EPHA6: variants seen among roughly 807,000 people sequenced by gnomAD.
EPHA6 encodes EPH receptor A6, also known as ephrin type-A receptor 6.
Under a neutral mutation model 112.0 loss-of-function variants are expected in EPHA6, and 50 were observed. The ratio of observed to expected loss-of-function variants is 0.45; its 90% confidence interval spans 0.36 to 0.56. The LOEUF (loss-of-function observed/expected upper bound fraction) is 0.56. EPHA6 is among the 20% of genes least tolerant of loss of function. The pLI, the probability that EPHA6 is intolerant of heterozygous loss-of-function variation, is 0.00. For missense variants in EPHA6, 1,280 were observed against 1,417.4 expected (o/e 0.90, Z 1.56); for synonymous variants, 529 against 490.7 (o/e 1.08, Z -1.03).
At chr3:96,988,722 C>T (rs2043110328) in intron 3 of EPHA6, among the ~76,000 whole-genome samples, 2 of 152,058 alleles carry the variant, frequency 1.3e-5, no homozygotes, top group Admixed American at 1.3e-4. Context: ...CCATATAACA[C>T]ATTAGCTTTT....
At chr3:97,502,570 C>T (rs1377428995) in intron 10 of EPHA6, among the ~76,000 whole-genome samples, 1 of 151,792 alleles carries the variant, frequency 6.6e-6, no homozygotes, top group Non-Finnish European at 1.5e-5. Flanking sequence ...TGTGGTGGCT[C>T]ACGCCTGTAA....
chr3:96,973,528 G>A (rs62263709), intron 2 of EPHA6, among the ~76,000 whole-genome samples: 7,920 of 151,956 alleles, frequency 0.052, 279 homozygotes, highest in Middle Eastern at 0.12. Flanking sequence ...GTACTATTAA[G>A]AATCTCTATA....
intron 3 of EPHA6, among the ~76,000 whole-genome samples, chr3:97,143,383 A>G (rs2075959021): frequency 1.3e-5 from 2 of 151,836 alleles, no homozygotes; most frequent in East Asian, 1.9e-4. Flanking sequence ...GTTAGAAACC[A>G]TGTGATAACT....
rs1298065217 is a variant in EPHA6 at position 97,751,480 on chromosome 3, T to C, written c.*2779T>C. Reference sequence around the variant, plus strand: ...GAACTTCATTATGGTTATGGCAACATTGAAACATGTGTGCAAGATTAAACA... The same window carrying C: ...GAACTTCATTATGGTTATGGCAACACTGAAACATGTGTGCAAGATTAAACA... On this transcript the variant is annotated 3_prime_UTR_variant, in exon 18 of 18. Coordinates refer to ENST00000389672, the MANE Select transcript of EPHA6 (RefSeq NM_001080448.3). Among the ~76,000 whole-genome samples, 4 of 152,088 alleles carry C rather than the reference T, an allele frequency of 2.6e-5. No individual in the cohort carries two copies. The highest frequency in any genetic ancestry group is 2.0e-4 in the Admixed American group (3 of 15,270).
chr3:96,868,655 CA>C (rs2036463623), intron 2 of EPHA6, among the ~76,000 whole-genome samples: 3 of 151,714 alleles, frequency 2.0e-5, no homozygotes, highest in Non-Finnish European at 4.4e-5. Flanking sequence ...ACAAATATGT[CA>C]TGGGTGGAAG....
intron 4 of EPHA6, among the ~76,000 whole-genome samples, chr3:97,231,932 C>G (rs529756293): frequency 1.3e-5 from 2 of 151,348 alleles, no homozygotes; most frequent in South Asian, 2.1e-4. Context: ...GGATGAAGTT[C>G]CCTTAAACAA....
chr3:97,491,701 C>T (rs921744023), intron 10 of EPHA6, among the ~76,000 whole-genome samples: 2 of 149,552 alleles, frequency 1.3e-5, no homozygotes, highest in Admixed American at 1.3e-4. Flanking sequence ...GTTTTTAGGT[C>T]TCATTGTCAT....
intron 3 of EPHA6, among the ~76,000 whole-genome samples, chr3:97,068,140 G>A (rs2046234388): frequency 7.9e-6 from 1 of 126,700 alleles, no homozygotes; most frequent in South Asian, 2.5e-4. Context: ...GAGTGACAGA[G>A]CAAGACTCCA....
chr3:97,324,579 C>T (rs2082329321), intron 5 of EPHA6, among the ~76,000 whole-genome samples: 1 of 143,070 alleles, frequency 7.0e-6, no homozygotes, highest in Non-Finnish European at 1.5e-5. Flanking sequence ...GCTCTTTTTG[C>T]TCAGGCTGGA....
intron 3 of EPHA6, among the ~76,000 whole-genome samples, chr3:97,019,204 G>A (rs1417965375): frequency 6.6e-6 from 1 of 152,002 alleles, no homozygotes; most frequent in Non-Finnish European, 1.5e-5. Context: ...CGTGTCCTCG[G>A]TCCCTTGCCT....
chr3:96,929,433 G>A (rs2040203725), intron 2 of EPHA6, among the ~76,000 whole-genome samples: 1 of 152,184 alleles, frequency 6.6e-6, no homozygotes, highest in Non-Finnish European at 1.5e-5. Flanking sequence ...GTCACATGAT[G>A]ACGAATTCCC....
At chr3:97,195,228 G>T (rs1377891351) in intron 3 of EPHA6, among the ~76,000 whole-genome samples, 1 of 117,536 alleles carries the variant, frequency 8.5e-6, no homozygotes, top group East Asian at 2.0e-4. Context: ...TACTTTTTGT[G>T]TAACTGTTGT....
At chr3:97,062,634 G>A (rs1206312128) in intron 3 of EPHA6, among the ~76,000 whole-genome samples, 1 of 152,086 alleles carries the variant, frequency 6.6e-6, no homozygotes, top group Non-Finnish European at 1.5e-5. Flanking sequence ...AATGATGTGG[G>A]CGGTTCCCCC....
intron 3 of EPHA6, among the ~76,000 whole-genome samples, chr3:97,088,111 G>T (rs1303677491): frequency 6.6e-6 from 1 of 152,002 alleles, no homozygotes; most frequent in Non-Finnish European, 1.5e-5. Context: ...AACCGGGGAG[G>T]CAGAGGTTGC....
At chr3:97,643,879 T>C (rs1380547953) in intron 14 of EPHA6, among the ~76,000 whole-genome samples, 130 of 150,450 alleles carry the variant, frequency 8.6e-4, no homozygotes, top group Non-Finnish European at 1.5e-3. Context: ...GACAGATCAA[T>C]GAGACAGAAA....
intron 3 of EPHA6, among the ~76,000 whole-genome samples, chr3:97,120,933 T>A (rs1011991901): frequency 1.3e-4 from 20 of 151,916 alleles, no homozygotes; most frequent in African/African-American, 2.4e-4. Context: ...ATGAAAAAAA[T>A]TTAATATTAG....
At chr3:97,284,379 C>G (rs1209038042) in intron 5 of EPHA6, among the ~76,000 whole-genome samples, 3 of 151,912 alleles carry the variant, frequency 2.0e-5, no homozygotes, top group East Asian at 1.9e-4. Context: ...GGAAAGTAAT[C>G]CCTCATTTCT....
intron 2 of EPHA6, among the ~76,000 whole-genome samples, chr3:96,871,833 C>G (rs2036638203): frequency 6.6e-6 from 1 of 151,888 alleles, no homozygotes; most frequent in Non-Finnish European, 1.5e-5. Flanking sequence ...AGCTTCATAA[C>G]CAAGAATTGC....
At chr3:97,452,348 G>A (rs1284952012) in intron 7 of EPHA6, among the ~76,000 whole-genome samples, 1 of 151,822 alleles carries the variant, frequency 6.6e-6, no homozygotes, top group Non-Finnish European at 1.5e-5. Context: ...ATATGTATGT[G>A]GAGGTAGAGA....
Sources: gnomAD v4.1 joint callset for allele counts (sites outside exome capture counted in the v4.1 genomes callset) on GRCh38, gnomAD v4.1.1 for gene constraint, MANE v1.5 for transcripts, NCBI Gene and HGNC (gene_info 2026-07-23, HGNC 2026-07-21) for gene names.